The following GRM4 variants were observed in gnomAD, a reference collection of about 807,000 sequenced individuals.
GRM4 encodes metabotropic glutamate receptor 4.
In GRM4, 28 loss-of-function variants were observed where a neutral mutation model predicts 81.7. That is an observed-to-expected ratio of 0.34 (90% CI 0.25 to 0.47). The LOEUF is 0.47. Ranked by LOEUF, GRM4 falls within the 20% of genes least tolerant of loss-of-function variation. GRM4 has a pLI of 1.00. For missense variants in GRM4, 948 were observed against 1,290.0 expected (o/e 0.73, Z 4.06); for synonymous variants, 488 against 528.8 (o/e 0.92, Z 1.06).
At chr6:34,054,070 T>C (rs1765742565) in intron 6 of GRM4, 3 of 152,116 alleles carry the variant, frequency 2.0e-5, no homozygotes, top group Admixed American at 2.0e-4. Flanking sequence ...CCCTCTGGGC[T>C]GGCTCATCAA....
At chr6:34,024,266 G>A in intron 10 of GRM4, 1 of 195,880 alleles carries the variant, frequency 5.1e-6, no homozygotes. Flanking sequence ...ACTGTGTGCA[G>A]CTCCCATGTC....
intron 2 of GRM4, among the ~76,000 whole-genome samples, chr6:34,109,303 C>A (rs1012576408): frequency 6.6e-6 from 1 of 152,168 alleles, no homozygotes; most frequent in Non-Finnish European, 1.5e-5. Context: ...AGAGGGAAGC[C>A]CCTCGTTGAT....
intron 2 of GRM4, among the ~76,000 whole-genome samples, chr6:34,093,739 C>T (rs927723202): frequency 2.0e-5 from 3 of 152,186 alleles, no homozygotes; most frequent in African/African-American, 7.2e-5. Flanking sequence ...CTGAGAACGT[C>T]CATTGCCAAA....
Position 34,144,403 on chromosome 6 carries a change from C to T in GRM4, c.-364+1597G>A, listed in dbSNP as rs900147179. 2.0e-5 allele frequency among the ~76,000 whole-genome samples: 3 copies of T among 152,242 alleles called. No homozygotes were observed. The East Asian group carries it at 5.8e-4, about 29-fold the overall frequency. Reference sequence around the variant, plus strand: ...ACACAGAGACCACTGCCGGTCCGCTCGCCCGGCGGCCGCGTAGACGCGCAG... The same window carrying T: ...ACACAGAGACCACTGCCGGTCCGCTTGCCCGGCGGCCGCGTAGACGCGCAG... On this transcript the variant is annotated intron_variant, in intron 1 of 10. Coordinates refer to ENST00000538487, the MANE Select transcript of GRM4 (RefSeq NM_000841.4).
chr6:34,149,598 C>T (rs1281451505), upstream of GRM4, among the ~76,000 whole-genome samples: 1 of 152,334 alleles, frequency 6.6e-6, no homozygotes, highest in East Asian at 1.9e-4. Flanking sequence ...GAGGTCACCT[C>T]AGCCCCGCTC....
chr6:34,079,602 A>G (rs1767481143), intron 3 of GRM4, among the ~76,000 whole-genome samples: 1 of 152,116 alleles, frequency 6.6e-6, no homozygotes, highest in Non-Finnish European at 1.5e-5. Context: ...CAGCATCCAT[A>G]AGACTTGCCC....
At chr6:34,101,569 G>A (rs1394170033) in intron 2 of GRM4, among the ~76,000 whole-genome samples, 1 of 152,228 alleles carries the variant, frequency 6.6e-6, no homozygotes, top group Non-Finnish European at 1.5e-5. Flanking sequence ...CCCCCATCCT[G>A]TGGGGCAGGA....
rs1767185326 is a variant in GRM4 at position 34,074,193 on chromosome 6, G to A, written c.737-12165C>T. ...AGTGTGATATGAGGAAGCGGAGTCTGGGCACAGACAGGGGCATGTCCCATC... is the reference window on the plus strand; with the variant it reads ...AGTGTGATATGAGGAAGCGGAGTCTAGGCACAGACAGGGGCATGTCCCATC... On this transcript the variant is annotated intron_variant, in intron 3 of 10. Coordinates refer to ENST00000538487, the MANE Select transcript of GRM4 (RefSeq NM_000841.4). The surrounding 1 kb of genome is among the most constrained non-coding windows in gnomAD (Gnocchi z 4.9). Among the ~76,000 whole-genome samples, 1 of 152,128 alleles carries A rather than the reference G, an allele frequency of 6.6e-6. No individual in the cohort carries two copies. The highest frequency in any genetic ancestry group is 2.1e-4 in the South Asian group (1 of 4,822).
In GRM4 at chr6:34,040,927, G is replaced by C. The variant is rs554792211; in HGVS notation, c.1169-179C>G. 3.7e-4 allele frequency among the ~76,000 whole-genome samples: 56 copies of C among 152,300 alleles called. 1 individual carries two copies. The South Asian group carries it at 9.5e-3, about 26-fold the overall frequency. On this transcript the variant is annotated intron_variant, in intron 6 of 10. Transcript: ENST00000538487. Reference sequence around the variant, plus strand: ...ACCCAGGAGATGGCCCTGTGGAGGTGCCTGGAGACAGGCCCATGGGTGTAA... The same window carrying C: ...ACCCAGGAGATGGCCCTGTGGAGGTCCCTGGAGACAGGCCCATGGGTGTAA...
intron 2 of GRM4, among the ~76,000 whole-genome samples, chr6:34,122,660 C>A (rs1769858875): frequency 6.6e-6 from 1 of 152,052 alleles, no homozygotes; most frequent in African/African-American, 2.4e-5. Context: ...GGGGGGTCCA[C>A]CCCTGCTGCG....
intron 3 of GRM4, among the ~76,000 whole-genome samples, chr6:34,085,663 C>G (rs990560954): frequency 4.6e-5 from 7 of 152,166 alleles, no homozygotes; most frequent in African/African-American, 1.4e-4. Context: ...ATTTATTGAG[C>G]AACTACTATG....
exon 1 of GRM4, chr6:34,155,503 C>T (rs1771134496): frequency 1.6e-6 from 1 of 641,168 alleles, no homozygotes. Flanking sequence ...GTGTCCAGGC[C>T]GCATCCCAAA....
chr6:34,036,420 T>C lies in GRM4; in HGVS notation c.1690A>G (p.Met564Val). 2 of 1,612,798 alleles carry C rather than the reference T, an allele frequency of 1.2e-6. No homozygotes were observed. The highest frequency in any genetic ancestry group is 1.7e-6 in the Non-Finnish European group (2 of 1,179,128). ...RYTCKTCPYDMRPTENRTGCR... is the reference protein window; with the variant it reads ...RYTCKTCPYDVRPTENRTGCR... ...CCCGTGCGGTTCTCTGTGGGCCGCA[T>C]GTCATAGGGACACGTCTTACAGGTG... Residue 564 changes from methionine to valine, a missense_variant, in exon 9 of 11, where the codon ATG (methionine) becomes GTG (valine). Physicochemically the swap from Met to Val is conservative, Grantham distance 21. Transcript: ENST00000538487. This position sits in a 1 kb window ranked among gnomAD's most constrained non-coding sequence, Gnocchi z 9.0.
At position 34,133,365 on chromosome 6, in the gene GRM4, G is replaced by T. The variant is rs1168826438; in HGVS notation, c.132C>A (p.Arg44=). 8.1e-6 allele frequency: 13 copies of T among 1,614,042 alleles called. No individual in the cohort carries two copies. Among genetic ancestry groups the T allele is most frequent in the Admixed American group, 1.7e-5 (1 of 60,032 alleles). ...PKGHPHMNSI[R]IDGDITLGGL... is the part of the protein sequence containing the mutation. ...CTCCCAGTGTGATGTCCCCATCTAT[G>T]CGGATGGAATTCATGTGAGGGTGGC... The change falls in exon 2 of 11, where the codon CGC becomes CGA. Residue 44 remains arginine (R), a synonymous_variant. Transcript: ENST00000538487. This position sits in a 1 kb window ranked among gnomAD's most constrained non-coding sequence, Gnocchi z 6.5.
intron 2 of GRM4, among the ~76,000 whole-genome samples, chr6:34,126,739 G>A (rs1770037818): frequency 6.6e-6 from 1 of 152,224 alleles, no homozygotes; most frequent in Admixed American, 6.5e-5. Context: ...CAGACATGGG[G>A]GCTGCAGAGG....
At chr6:34,127,495 T>C (rs1474668077) in intron 2 of GRM4, among the ~76,000 whole-genome samples, 1 of 151,790 alleles carries the variant, frequency 6.6e-6, no homozygotes, top group Non-Finnish European at 1.5e-5. Flanking sequence ...AGGAAAGGAG[T>C]TCACATTTTA....
chr6:34,126,303 C>T (rs1047362611), intron 2 of GRM4, among the ~76,000 whole-genome samples: 2 of 152,146 alleles, frequency 1.3e-5, no homozygotes, highest in African/African-American at 4.8e-5. Flanking sequence ...TATACCTGCC[C>T]CTGGGGTTGC....
intron 6 of GRM4, 123 bp downstream of exon 6, chr6:34,056,421 T>G (rs1581627573): frequency 1.3e-6 from 1 of 775,318 alleles, no homozygotes; most frequent in East Asian, 3.3e-5. Context: ...CAGGCCCAAC[T>G]GCACGTCCTG....
chr6:34,147,963 G>A (rs938655651), upstream of GRM4, among the ~76,000 whole-genome samples: 1 of 152,024 alleles, frequency 6.6e-6, no homozygotes, highest in Non-Finnish European at 1.5e-5. Flanking sequence ...ATGGGCCATG[G>A]TTTATTGAGA....
Sources: allele counts gnomAD v4.1 joint callset (sites outside exome capture counted in the v4.1 genomes callset), GRCh38; gene constraint gnomAD v4.1.1; non-coding constraint Gnocchi (gnomAD v3.1); transcripts MANE v1.5; gene names NCBI Gene and HGNC (gene_info 2026-07-23, HGNC 2026-07-21).